Variants in CHD2 observed in about 807,000 individuals in gnomAD.
CHD2 encodes the protein chromodomain helicase DNA binding protein 2, also known as ATP-dependent chromatin remodeler CHD2.
A neutral mutation model predicts 243.9 loss-of-function variants in CHD2; 28 were observed. That is an observed-to-expected ratio of 0.11 (90% CI 0.09 to 0.16). The LOEUF (loss-of-function observed/expected upper bound fraction) is 0.16. CHD2 is among the 10% of genes least tolerant of loss of function. The probability of loss-of-function intolerance (pLI) is 1.00; values close to 1 mark genes in which losing one functional copy is unlikely to be tolerated. For synonymous variants in CHD2, 775 were observed against 779.0 expected, an observed-to-expected ratio of 0.99 and a Z score of 0.09; for missense variants, 1,386 against 2,209.8, an observed-to-expected ratio of 0.63 and a Z score of 7.47.
chr15:92,924,124 G>A (rs8026695), intron 2 of CHD2, among the ~76,000 whole-genome samples, 197 bp from the exon 3 acceptor site: 1 of 151,928 alleles, frequency 6.6e-6, no homozygotes, highest in Non-Finnish European at 1.5e-5. Flanking sequence ...ATTCAGGAAA[G>A]GGTAGCTATT....
At position 92,948,830 on chromosome 15, in the gene CHD2, C is replaced by T. The variant is rs958926593; in HGVS notation, c.1378-122C>T. On this transcript the variant is annotated intron_variant, in intron 12 of 38. Transcript: ENST00000394196. ...CTCCAGCCTGGGTGACAGAGCAAGA[C>T]TCCGTCTCAAAAAAAGAAATTTGAG... 2.7e-6 allele frequency: 3 copies of T among 1,105,324 alleles called. No individual in the cohort carries two copies. The African/African-American group carries it at 4.7e-5, about 18-fold the overall frequency. The allele number at this position is 1,105,324 out of a possible 1,614,324, so 68.5% of individuals were successfully genotyped here.
At chr15:92,964,088 C>T (rs1197946761) in intron 16 of CHD2, among the ~76,000 whole-genome samples, 1 of 152,182 alleles carries the variant, frequency 6.6e-6, no homozygotes. Context: ...TGTCATATAT[C>T]CTTCTTTTGT....
chr15:93,017,396 G>C (rs1435833965), intron 37 of CHD2, among the ~76,000 whole-genome samples: 4 of 151,692 alleles, frequency 2.6e-5, no homozygotes, highest in Admixed American at 6.6e-5. Context: ...CACGATCTTG[G>C]CTCACTGCAA....
At chr15:92,916,051 TA>T (rs1360029687) in intron 2 of CHD2, among the ~76,000 whole-genome samples, 5 of 152,250 alleles carry the variant, frequency 3.3e-5, no homozygotes, top group African/African-American at 1.2e-4. Context: ...AGTGAAAGGC[TA>T]ATCAAGAGAC....
chr15:92,998,719 A>AG lies in CHD2; in HGVS notation c.4008+98_4008+99insG. On this transcript the variant is annotated intron_variant, in intron 31 of 38. Transcript: ENST00000394196. This position sits in a 1 kb window ranked among gnomAD's most constrained non-coding sequence, Gnocchi z 5.1. ...GAGGCCCTCTCTGAGCACTGCACAG[A>AG]ATGTCACCTTCTCATGGGCATATTT... is the stretch of plus-strand genomic sequence containing the variant. 7.1e-7 allele frequency: 1 copy of AG among 1,401,290 alleles called. No homozygotes were observed. Among genetic ancestry groups the AG allele is most frequent in the Non-Finnish European group, 9.7e-7 (1 of 1,032,280 alleles). 86.8% of individuals were successfully genotyped at this position (1,401,290 alleles called of 1,614,324 possible).
At chr15:92,918,143 C>A (rs906453870) in intron 2 of CHD2, among the ~76,000 whole-genome samples, 1 of 152,182 alleles carries the variant, frequency 6.6e-6, no homozygotes. Flanking sequence ...TGGGAAACCG[C>A]GATTAAAAAT....
rs1057523432 is a variant in CHD2 at position 92,992,839 on chromosome 15, C to G, written c.3456-20C>G. On this transcript the variant is annotated intron_variant, in intron 27 of 38. Coordinates refer to ENST00000394196, the MANE Select transcript of CHD2 (RefSeq NM_001271.4). ...GTGGGCACAGGGTCCTAAAGTGTCC[C>G]CATATTTGTTCCTCCTCAGGCTGGA... 6.2e-7 allele frequency: 1 copy of G among 1,610,814 alleles called. No individual in the cohort carries two copies. The highest frequency in any genetic ancestry group is 1.7e-4 in the Middle Eastern group (1 of 5,878).
intron 7 of CHD2, among the ~76,000 whole-genome samples, chr15:92,940,882 A>G (rs929878989): frequency 1.1e-5 from 1 of 91,888 alleles, no homozygotes; most frequent in Non-Finnish European, 2.3e-5. Context: ...ATACATATAA[A>G]TATATATAAA....
chr15:92,926,658 A>T (rs1388515983), intron 3 of CHD2, among the ~76,000 whole-genome samples: 4 of 152,228 alleles, frequency 2.6e-5, no homozygotes, highest in Admixed American at 6.5e-5. Flanking sequence ...CAAAGGGCTA[A>T]TTACTGCTAC....
rs1338257457 is a variant in CHD2 at position 92,924,541 on chromosome 15, G to C, written c.283G>C (p.Asp95His). ...AGCCTCTAAGAAGGAACGGATAGCT[G>C]ATGTGAAGAAGGTATCTACTTTGCC... is the stretch of plus-strand genomic sequence containing the variant. ...KPASKKERIA[D>H]VKKMWEEYPD... Residue 95 changes from aspartate (D) to histidine (H), a missense_variant, in exon 3 of 39, where the codon GAT becomes CAT. By Grantham distance (81) the Asp-to-His change is moderately conservative (BLOSUM62 -1). Around this residue, in one of 19 missense-constraint regions of CHD2, gnomAD observed 16 missense variants for 76.0 expected, o/e 0.21. Coordinates refer to ENST00000394196, the MANE Select transcript of CHD2 (RefSeq NM_001271.4). 1 of 1,613,788 alleles carries C rather than the reference G, an allele frequency of 6.2e-7. No individual in the cohort carries two copies. Among genetic ancestry groups the C allele is most frequent in the Admixed American group, 1.7e-5 (1 of 60,026 alleles).
chr15:92,936,406 A>G (rs6497010), intron 5 of CHD2, among the ~76,000 whole-genome samples: 69,819 of 152,002 alleles, frequency 0.46, 17,026 homozygotes, highest in East Asian at 0.84. Flanking sequence ...GTTTTTTCCT[A>G]GGTATTTCAT....
chr15:93,024,405 T>C lies in CHD2; in HGVS notation c.5187T>C (p.Asp1729=). 1.2e-6 allele frequency: 2 copies of C among 1,614,144 alleles called. No individual in the cohort carries two copies. The highest frequency in any genetic ancestry group is 1.7e-6 in the Non-Finnish European group (2 of 1,180,016). The change falls in exon 39 of 39, where the codon GAT becomes GAC. Residue 1729 remains aspartate, a synonymous_variant. Coordinates refer to ENST00000394196, the MANE Select transcript of CHD2 (RefSeq NM_001271.4). ...ATGACTCCAAGCGGAGGAGATCCGA[T>C]GAATTTAGGCCTCAAAATTACCACC... is the stretch of plus-strand genomic sequence containing the variant. The part of the protein sequence containing the change: ...HHHDSKRRRS[D]EFRPQNYHQQ...
At chr15:93,000,702 C>G (rs2054243701) in intron 32 of CHD2, 62 bp downstream of exon 32, 2 of 1,510,082 alleles carry the variant, frequency 1.3e-6, no homozygotes, top group Non-Finnish European at 1.8e-6. Context: ...ATCATGCCAG[C>G]TGGAATAAAA....
At chr15:92,991,845 T>C (rs987242420) in intron 27 of CHD2, 1 of 198,368 alleles carries the variant, frequency 5.0e-6, no homozygotes, top group African/African-American at 2.3e-5. Context: ...TATGTAGTTA[T>C]TATTTGTATC....
chr15:92,948,067 T>A (rs2053498434), intron 12 of CHD2, among the ~76,000 whole-genome samples: 2 of 152,212 alleles, frequency 1.3e-5, no homozygotes, highest in Admixed American at 1.3e-4. Flanking sequence ...TTTCCTAAAC[T>A]GATTTGGCCA....
At chr15:92,955,067 A>G (rs7173808) in intron 14 of CHD2, among the ~76,000 whole-genome samples, 13,155 of 152,250 alleles carry the variant, frequency 0.086, 623 homozygotes, top group Middle Eastern at 0.18. Flanking sequence ...CAAAAAGTAA[A>G]TAAATTGCAT....
chr15:92,936,600 A>G (rs1307837935), intron 5 of CHD2, among the ~76,000 whole-genome samples: 1 of 152,186 alleles, frequency 6.6e-6, no homozygotes, highest in Non-Finnish European at 1.5e-5. Flanking sequence ...ACTGTATCTA[A>G]TAATTATTAA....
At chr15:92,942,043 T>G in intron 8 of CHD2, 88 bp downstream of exon 8, 1 of 1,263,558 alleles carries the variant, frequency 7.9e-7, no homozygotes, top group Non-Finnish European at 1.1e-6. Flanking sequence ...TGATGAATTT[T>G]AGTCTACTGC....
intron 7 of CHD2, among the ~76,000 whole-genome samples, chr15:92,940,160 A>T (rs771931005): frequency 5.3e-5 from 8 of 152,254 alleles, no homozygotes; most frequent in Non-Finnish European, 1.2e-4. Context: ...AGGAATTATC[A>T]TTAGTGAAAT....
Sources: allele counts gnomAD v4.1 joint callset (sites outside exome capture counted in the v4.1 genomes callset), GRCh38; gene constraint gnomAD v4.1.1; regional missense constraint gnomAD v4.1.1; non-coding constraint Gnocchi (gnomAD v3.1); transcripts MANE v1.5; gene names NCBI Gene and HGNC (gene_info 2026-07-23, HGNC 2026-07-21).